The following FRMD6 variants were observed in gnomAD, a reference collection of about 807,000 sequenced individuals.
FRMD6 encodes FERM domain containing 6.
In FRMD6, 37 loss-of-function variants were observed where a neutral mutation model predicts 73.2. The ratio of observed to expected loss-of-function variants is 0.51; its 90% CI spans 0.39 to 0.66. The LOEUF is 0.66. FRMD6 is among the 30% of genes least tolerant of loss of function. The probability of loss-of-function intolerance (pLI) is 0.00; values close to 1 mark genes in which losing one functional copy is unlikely to be tolerated. For synonymous variants in FRMD6, 273 were observed against 282.2 expected (o/e 0.97, Z 0.33); for missense variants, 714 against 780.5 (o/e 0.91, Z 1.02).
chr14:51,416,559 T>A, the FRMD6 span, among the ~76,000 whole-genome samples: 2 of 152,302 alleles, frequency 1.3e-5, no homozygotes, highest in Middle Eastern at 3.4e-3. Context: ...TGCTGAGGAG[T>A]GCTTTACTTC....
chr14:51,447,460 A>G, the FRMD6 span, among the ~76,000 whole-genome samples: 2 of 152,138 alleles, frequency 1.3e-5, no homozygotes, highest in Admixed American at 6.5e-5. Flanking sequence ...GGATGCAGTT[A>G]TCAGAGGCAT....
upstream of FRMD6, chr14:51,650,816 G>C (rs1225153635): frequency 6.6e-6 from 1 of 151,880 alleles, no homozygotes; most frequent in Non-Finnish European, 1.5e-5. Flanking sequence ...CACTCCTTTA[G>C]CGAAGGGCTC....
chr14:51,577,528 C>T (rs921581071), intron 2 of FRMD6, among the ~76,000 whole-genome samples: 2 of 152,278 alleles, frequency 1.3e-5, no homozygotes, highest in Middle Eastern at 3.4e-3. Context: ...ACGAAACTCG[C>T]GTACAAATAA....
intron 12 of FRMD6, among the ~76,000 whole-genome samples, chr14:51,724,552 A>G (rs1413245402): frequency 2.0e-5 from 3 of 152,194 alleles, no homozygotes; most frequent in Admixed American, 2.0e-4. Flanking sequence ...TAAACCAGTA[A>G]TGTCTTCATA....
chr14:51,599,717 A>ATATTATTTTAATATCCTATTAGCACTT (rs1889928625), intron 2 of FRMD6: 1 of 152,126 alleles, frequency 6.6e-6, no homozygotes, highest in Non-Finnish European at 1.5e-5. Flanking sequence ...TTTCTAAGGC[A>ATATTATTTTAATATCCTATTAGCACTT]GGCACAGGTT....
intron 2 of FRMD6, among the ~76,000 whole-genome samples, chr14:51,573,134 C>G (rs775983168): frequency 6.6e-6 from 1 of 152,112 alleles, no homozygotes; most frequent in South Asian, 2.1e-4. Flanking sequence ...ACTCAGCTGC[C>G]CTTGATAGTC....
At chr14:51,553,402 G>A (rs1460479545) in intron 1 of FRMD6, among the ~76,000 whole-genome samples, 1 of 152,216 alleles carries the variant, frequency 6.6e-6, no homozygotes, top group East Asian at 1.9e-4. Context: ...CTGATCAACA[G>A]AGGAAAGAAA....
intron 1 of FRMD6, among the ~76,000 whole-genome samples, chr14:51,515,625 T>C (rs1884583857): frequency 6.6e-6 from 1 of 152,220 alleles, no homozygotes; most frequent in African/African-American, 2.4e-5. Context: ...TCCTGCTACA[T>C]GGTCTTTATA....
chr14:51,560,733 C>T (rs1294813718), intron 1 of FRMD6, among the ~76,000 whole-genome samples: 1 of 152,168 alleles, frequency 6.6e-6, no homozygotes. Flanking sequence ...ATCCACCTGC[C>T]TCAGACTCCC....
At chr14:51,459,351 T>G in the FRMD6 span, among the ~76,000 whole-genome samples, 4 of 152,190 alleles carry the variant, frequency 2.6e-5, no homozygotes, top group Non-Finnish European at 5.9e-5. Context: ...GACTAGGCCC[T>G]CCCTCACTAA....
At chr14:51,594,108 C>G (rs540613573) in intron 2 of FRMD6, among the ~76,000 whole-genome samples, 1 of 151,960 alleles carries the variant, frequency 6.6e-6, no homozygotes, top group Non-Finnish European at 1.5e-5. Flanking sequence ...TTACTAAGAA[C>G]AAGAAATGAG....
chr14:51,461,723 A>G, the FRMD6 span, among the ~76,000 whole-genome samples: 1 of 152,260 alleles, frequency 6.6e-6, no homozygotes, highest in Non-Finnish European at 1.5e-5. Flanking sequence ...TGGTCAATGT[A>G]AGAATCAAGC....
intron 1 of FRMD6, among the ~76,000 whole-genome samples, chr14:51,516,829 C>A (rs977302416): frequency 2.0e-5 from 3 of 152,068 alleles, no homozygotes; most frequent in African/African-American, 7.2e-5. Flanking sequence ...ATGTCGAGTC[C>A]CTGGGCAAAG....
At chr14:51,569,770 G>A (rs534662218) in intron 1 of FRMD6, among the ~76,000 whole-genome samples, 1 of 150,526 alleles carries the variant, frequency 6.6e-6, no homozygotes, top group African/African-American at 2.4e-5. Context: ...CCAAAGAGCT[G>A]AGATTACAGG....
intron 2 of FRMD6, chr14:51,637,802 G>C (rs1332832117): frequency 4.6e-5 from 7 of 152,122 alleles, no homozygotes; most frequent in Non-Finnish European, 1.0e-4. Flanking sequence ...AAACAAGTTG[G>C]TATCTTTACC....
At chr14:51,721,925 T>G in intron 11 of FRMD6, 24 bp from the exon 12 acceptor site, 1 of 1,613,090 alleles carries the variant, frequency 6.2e-7, no homozygotes, top group Non-Finnish European at 8.5e-7. Flanking sequence ...TGTCATTAAC[T>G]ATCTTTTCCT....
At chr14:51,615,640 C>T (rs565782456) in intron 2 of FRMD6, among the ~76,000 whole-genome samples, 17 of 152,232 alleles carry the variant, frequency 1.1e-4, no homozygotes, top group African/African-American at 3.6e-4. Context: ...CCAGGTACTG[C>T]TGTAACAAAG....
chr14:51,520,886 GGCAATAGAGTGAGACCCT>G (rs1884920200), intron 1 of FRMD6, among the ~76,000 whole-genome samples: 1 of 151,990 alleles, frequency 6.6e-6, no homozygotes, highest in South Asian at 2.1e-4. Flanking sequence ...CTCCAGCCTG[GGCAATAGAGTGAGACCCT>G]GTCTCAAAAA....
the FRMD6 span, among the ~76,000 whole-genome samples, chr14:51,399,961 CT>C: frequency 1.4e-5 from 2 of 144,712 alleles, no homozygotes; most frequent in East Asian, 1.9e-4. Flanking sequence ...GCAAATATTC[CT>C]TTTTTAAAAA....
Sources: allele counts gnomAD v4.1 joint callset (sites outside exome capture counted in the v4.1 genomes callset), GRCh38; gene constraint gnomAD v4.1.1; transcripts MANE v1.5; gene names NCBI Gene and HGNC (gene_info 2026-07-23, HGNC 2026-07-21).